The following SERGEF variants were observed in gnomAD, a reference collection of about 807,000 sequenced individuals.
The protein encoded by SERGEF is secretion-regulating guanine nucleotide exchange factor.
In SERGEF, 51 loss-of-function variants were observed where a neutral mutation model predicts 50.0. The observed-to-expected ratio is 1.02, with a 90% confidence interval of 0.81 to 1.29. The LOEUF is 1.29. SERGEF is among the 50% of genes most tolerant of loss of function. The pLI, the probability that SERGEF is intolerant of heterozygous loss-of-function variation, is 0.00. For missense variants in SERGEF, 521 were observed against 557.0 expected (o/e 0.94, Z 0.65); for synonymous variants, 205 against 212.4 (o/e 0.97, Z 0.30).
intron 10 of SERGEF, among the ~76,000 whole-genome samples, chr11:17,805,975 A>T (rs1042538244): frequency 1.3e-5 from 2 of 152,362 alleles, no homozygotes; most frequent in Non-Finnish European, 2.9e-5. Flanking sequence ...TTGTCCTTCA[A>T]GAAACCCAAA....
chr11:17,882,786 G>A (rs1220464888), intron 9 of SERGEF, among the ~76,000 whole-genome samples: 2 of 152,190 alleles, frequency 1.3e-5, no homozygotes, highest in Non-Finnish European at 2.9e-5. Context: ...CATGCACAAT[G>A]GGGACAAGGA....
At chr11:18,001,224 T>A (rs1853953488) in intron 4 of SERGEF, among the ~76,000 whole-genome samples, 5 of 152,238 alleles carry the variant, frequency 3.3e-5, no homozygotes, top group Admixed American at 3.3e-4. Context: ...CTCTAAGACA[T>A]CTTGTAGTGG....
chr11:17,867,469 G>C (rs923351012), intron 10 of SERGEF, among the ~76,000 whole-genome samples: 43 of 152,238 alleles, frequency 2.8e-4, no homozygotes, highest in African/African-American at 9.9e-4. Context: ...TGCCCCTGTG[G>C]TTTTGCAGGG....
At chr11:18,012,714 C>T (rs1483361347) in intron 1 of SERGEF, 3 of 1,241,472 alleles carry the variant, frequency 2.4e-6, no homozygotes, top group African/African-American at 1.6e-5. Flanking sequence ...GCGCCACAGC[C>T]CCTCCGGCCC....
chr11:18,006,876 T>C (rs773911692), intron 2 of SERGEF, 130 bp from the exon 3 acceptor site: 44 of 1,022,486 alleles, frequency 4.3e-5, no homozygotes, highest in Admixed American at 1.3e-4. Flanking sequence ...GTTAATAAGC[T>C]GTGTATGTTC....
intron 10 of SERGEF, among the ~76,000 whole-genome samples, chr11:17,803,993 C>T (rs373420817): frequency 3.9e-5 from 6 of 152,168 alleles, no homozygotes; most frequent in East Asian, 1.9e-4. Flanking sequence ...GTTGTGGTAC[C>T]GGGGGAAGGG....
intron 9 of SERGEF, among the ~76,000 whole-genome samples, chr11:17,918,062 C>A (rs1211449856): frequency 6.6e-6 from 1 of 152,148 alleles, no homozygotes; most frequent in Non-Finnish European, 1.5e-5. Context: ...AATTGAGTCT[C>A]AAATCAGTAA....
intron 10 of SERGEF, among the ~76,000 whole-genome samples, chr11:17,805,199 C>T (rs562903894): frequency 1.3e-5 from 2 of 152,330 alleles, no homozygotes; most frequent in East Asian, 1.9e-4. Flanking sequence ...GACCTGGGCT[C>T]TAAGTCTCAG....
Position 17,991,675 on chromosome 11 carries a change from G to A in SERGEF, c.685+1256C>T, listed in dbSNP as rs1367218577. ...GTTAAAAGTAGGTGCTTTTTTATTAGATGTTTGTTTTAAATTCATTAAATG... is the reference window on the plus strand; with the variant it reads ...GTTAAAAGTAGGTGCTTTTTTATTAAATGTTTGTTTTAAATTCATTAAATG... On this transcript the variant is annotated intron_variant, in intron 7 of 10. Coordinates refer to ENST00000265965, the MANE Select transcript of SERGEF (RefSeq NM_012139.4). This position sits in a 1 kb window ranked among gnomAD's most constrained non-coding sequence, Gnocchi z 4.9. Among the ~76,000 whole-genome samples the A allele has an allele frequency of 6.6e-6, 1 of 152,168 alleles. No individual in the cohort carries two copies. The highest frequency in any genetic ancestry group is 2.4e-5 in the African/African-American group (1 of 41,438).
intron 10 of SERGEF, among the ~76,000 whole-genome samples, chr11:17,848,575 T>C (rs1315624138): frequency 6.6e-6 from 1 of 152,220 alleles, no homozygotes; most frequent in Non-Finnish European, 1.5e-5. Context: ...TGTGCCTTTT[T>C]GTTTTCATTT....
intron 1 of SERGEF, among the ~76,000 whole-genome samples, chr11:18,008,859 G>A (rs979375317): frequency 3.9e-5 from 6 of 151,928 alleles, no homozygotes; most frequent in Admixed American, 2.6e-4. Context: ...TATAAATATG[G>A]ACACAGAATC....
intron 8 of SERGEF, among the ~76,000 whole-genome samples, chr11:17,978,819 C>A (rs192668375): frequency 4.6e-5 from 7 of 152,288 alleles, no homozygotes; most frequent in Non-Finnish European, 8.8e-5. Flanking sequence ...CTTACTAATT[C>A]CGAATGATGA....
intron 7 of SERGEF, among the ~76,000 whole-genome samples, chr11:17,992,080 C>T (rs538679645): frequency 6.6e-6 from 1 of 152,162 alleles, no homozygotes; most frequent in East Asian, 1.9e-4. Context: ...AGTCACTAGA[C>T]AGTTTATACT....
At chr11:17,915,919 G>T (rs1852040295) in intron 9 of SERGEF, among the ~76,000 whole-genome samples, 1 of 152,262 alleles carries the variant, frequency 6.6e-6, no homozygotes, top group Non-Finnish European at 1.5e-5. Context: ...GAGCTAAAGA[G>T]TCTGGCCAGG....
At chr11:17,878,396 T>C (rs1345375291) in intron 9 of SERGEF, 152 bp from the exon 10 acceptor site, 2 of 605,768 alleles carry the variant, frequency 3.3e-6, no homozygotes, top group East Asian at 2.8e-5. Flanking sequence ...GTTAAGATTA[T>C]AATTACAACA....
At chr11:17,974,894 T>C (rs1248133650) in intron 8 of SERGEF, among the ~76,000 whole-genome samples, 2 of 152,182 alleles carry the variant, frequency 1.3e-5, no homozygotes, top group South Asian at 2.1e-4. Context: ...GTGGGCTTAA[T>C]GGAGAGAAGT....
chr11:17,882,532 A>G (rs990448970), intron 9 of SERGEF, among the ~76,000 whole-genome samples: 2 of 152,006 alleles, frequency 1.3e-5, no homozygotes, highest in Admixed American at 6.5e-5. Context: ...TTCCCACAGC[A>G]CTATGTATCA....
chr11:17,986,608 C>T (rs989525902), intron 8 of SERGEF, among the ~76,000 whole-genome samples: 4 of 152,294 alleles, frequency 2.6e-5, no homozygotes, highest in East Asian at 1.9e-4. Flanking sequence ...AGCTAGAATG[C>T]TTCAAAGCTA....
At position 17,988,663 on chromosome 11, in the gene SERGEF, G is replaced by A. The variant is rs1479692558; in HGVS notation, c.778C>T (p.His260Tyr). The change falls in exon 8 of 11, where the codon CAT becomes TAT. Residue 260 changes from histidine (H) to tyrosine (Y), a missense_variant. Transcript: ENST00000265965. ...GTGACCTTTTCATTCTGGAAACAAT[G>A]TGCTTCTATTTTCTGGGGCACAGGA... ...FLPVPQKIEA[H>Y]CFQNEKVTAI... 1.9e-6 allele frequency: 3 copies of A among 1,614,008 alleles called. No homozygotes were observed. In the African/African-American group the frequency reaches 4.0e-5, roughly 22 times the overall value.
Sources: allele counts gnomAD v4.1 joint callset (sites outside exome capture counted in the v4.1 genomes callset), GRCh38; gene constraint gnomAD v4.1.1; non-coding constraint Gnocchi (gnomAD v3.1); transcripts MANE v1.5; gene names NCBI Gene and HGNC (gene_info 2026-07-23, HGNC 2026-07-21).